Variants in IBTK observed in about 807,000 individuals in gnomAD.
IBTK encodes BTK-binding protein.
A neutral mutation model predicts 154.9 loss-of-function variants in IBTK; 83 were observed. The ratio of observed to expected loss-of-function variants is 0.54; its 90% CI spans 0.45 to 0.64. The LOEUF is 0.64. Ranked by LOEUF, IBTK falls within the 30% of genes least tolerant of loss-of-function variation. The pLI, the probability that IBTK is intolerant of heterozygous loss-of-function variation, is 0.00. For synonymous variants in IBTK, 515 were observed against 536.1 expected, an observed-to-expected ratio of 0.96 and a Z score of 0.54; for missense variants, 1,332 against 1,584.6, an observed-to-expected ratio of 0.84 and a Z score of 2.71.
At chr6:82,172,535 T>C (rs1259409877) in intron 27 of IBTK, 23 bp from the exon 28 acceptor site, 4 of 1,583,172 alleles carry the variant, frequency 2.5e-6, no homozygotes, top group Non-Finnish European at 3.4e-6. Context: ...TAATAATGAG[T>C]TTCATTCATC....
chr6:82,197,536 A>AT (rs200244615), intron 21 of IBTK, among the ~76,000 whole-genome samples: 1 of 151,558 alleles, frequency 6.6e-6, no homozygotes, highest in African/African-American at 2.4e-5. Flanking sequence ...TGCCCGGCTA[A>AT]TTTTTTTTGT....
intron 2 of IBTK, 103 bp downstream of exon 2, chr6:82,240,063 A>G: frequency 1.1e-6 from 1 of 940,812 alleles, no homozygotes; most frequent in Admixed American, 2.7e-5. Flanking sequence ...AACAAGCAAG[A>G]AAAAATGCAA....
At chr6:82,231,982 G>C (rs1770522865) in intron 3 of IBTK, 140 bp from the exon 4 acceptor site, 1 of 505,338 alleles carries the variant, frequency 2.0e-6, no homozygotes, top group African/African-American at 1.9e-5. Context: ...TCTAGAAATA[G>C]AAAATCCAAA....
chr6:82,232,055 TG>T (rs374905594), intron 3 of IBTK, among the ~76,000 whole-genome samples: 157 of 117,994 alleles, frequency 1.3e-3, no homozygotes, highest in Middle Eastern at 4.5e-3. Context: ...CTTTTTTTTT[TG>T]TTGTTGTTTT....
intron 8 of IBTK, among the ~76,000 whole-genome samples, chr6:82,220,933 T>C (rs369608540): frequency 2.7e-4 from 21 of 77,100 alleles, no homozygotes; most frequent in African/African-American, 1.2e-3. Flanking sequence ...TAAATGACTT[T>C]ACCTACACAC....
intron 17 of IBTK, among the ~76,000 whole-genome samples, chr6:82,203,797 T>C (rs947312396): frequency 1.3e-5 from 2 of 152,188 alleles, no homozygotes; most frequent in African/African-American, 4.8e-5. Flanking sequence ...TGTTGTATGC[T>C]GTGTCCTTTA....
At chr6:82,198,529 A>G (rs368144788) in intron 21 of IBTK, among the ~76,000 whole-genome samples, 34 of 152,236 alleles carry the variant, frequency 2.2e-4, no homozygotes, top group African/African-American at 6.7e-4. Context: ...GAACATATCA[A>G]GCACCTAATT....
At chr6:82,199,143 C>T (rs1769104908) in intron 21 of IBTK, among the ~76,000 whole-genome samples, 1 of 152,082 alleles carries the variant, frequency 6.6e-6, no homozygotes, top group South Asian at 2.1e-4. Context: ...AGAGTATTCC[C>T]ATCTTAAAAG....
Position 82,170,324 on chromosome 6 carries a change from G to C in IBTK, c.*1101C>G, listed in dbSNP as rs1767890571. 6.6e-6 allele frequency: 1 copy of C among 152,570 alleles called. No homozygotes were observed. The highest frequency in any genetic ancestry group is 2.4e-5 in the African/African-American group (1 of 41,444). The allele number at this position is 152,570 out of a possible 1,614,324, so 9.5% of individuals were successfully genotyped here. A position where few individuals can be genotyped will look rare whatever the true frequency, so the allele number is the denominator to read the frequency against. ...GAGTTAAACCTGACATATTGAGTCA[G>C]TTTCCGTCATTTTACATCAACTAAA... On this transcript the variant is annotated 3_prime_UTR_variant, in exon 29 of 29. Transcript: ENST00000306270.
intron 11 of IBTK, among the ~76,000 whole-genome samples, chr6:82,215,343 G>C (rs2127815849): frequency 6.6e-6 from 1 of 152,234 alleles, no homozygotes; most frequent in South Asian, 2.1e-4. Flanking sequence ...TGACTTAGGA[G>C]ATTTGCATTG....
intron 16 of IBTK, among the ~76,000 whole-genome samples, chr6:82,208,303 G>C (rs10943863): frequency 3.3e-5 from 5 of 151,622 alleles, no homozygotes; most frequent in Admixed American, 2.6e-4. Context: ...ATACGACTGG[G>C]GGGGGAATTA....
chr6:82,212,575 G>T, intron 13 of IBTK, 132 bp downstream of exon 13: 1 of 652,054 alleles, frequency 1.5e-6, no homozygotes. Context: ...TTCCAGAAAT[G>T]CAGAATACTA....
Position 82,214,511 on chromosome 6 carries a change from A to G in IBTK, c.1920T>C (p.Cys640=). 6.2e-7 allele frequency: 1 copy of G among 1,614,084 alleles called. No individual in the cohort carries two copies. The highest frequency in any genetic ancestry group is 2.2e-5 in the East Asian group (1 of 44,862). The change falls in exon 12 of 29, where the codon TGT becomes TGC. Residue 640 remains cysteine (C), a synonymous_variant. Coordinates refer to ENST00000306270, the MANE Select transcript of IBTK (RefSeq NM_015525.4). ...YLLQFIYTDT[C]DFLTHGFKPR... is the part of the protein sequence containing the mutation. ...GTTTGAAGCCATGAGTTAAAAAGTC[A>G]CAAGTATCTGTGTATATAAATTGTA... is the stretch of plus-strand genomic sequence containing the variant.
At chr6:82,178,433 C>A (rs1237965706) in intron 26 of IBTK, among the ~76,000 whole-genome samples, 1 of 151,942 alleles carries the variant, frequency 6.6e-6, no homozygotes, top group African/African-American at 2.4e-5. Context: ...AATTTTCATA[C>A]CTTTAAATTG....
At chr6:82,242,158 T>C (rs1582264775) in intron 1 of IBTK, among the ~76,000 whole-genome samples, 1 of 151,444 alleles carries the variant, frequency 6.6e-6, no homozygotes, top group South Asian at 2.1e-4. Context: ...TCACCTGAGG[T>C]TGGGAGTTTG....
chr6:82,191,314 T>C, intron 24 of IBTK, 98 bp from the exon 25 acceptor site: 1 of 947,728 alleles, frequency 1.1e-6, no homozygotes, highest in Non-Finnish European at 1.6e-6. Flanking sequence ...AACATTAATT[T>C]CTGCTTAATA....
intron 22 of IBTK, among the ~76,000 whole-genome samples, chr6:82,195,729 C>A (rs543062488): frequency 6.6e-6 from 1 of 152,256 alleles, no homozygotes; most frequent in East Asian, 1.9e-4. Flanking sequence ...TATTCAGTTA[C>A]ACATTTTTCT....
chr6:82,225,496 C>T lies in IBTK; in HGVS notation c.806G>A (p.Ser269Asn). ...HQLGIIPPPSSCNVPRQIQAK... is the reference protein window; with the variant it reads ...HQLGIIPPPSNCNVPRQIQAK... ...GCTTACCTGTCTGGGTACATTACAA[C>T]TGGAAGGCGGTGGAATAATTCCTAA... The change falls in exon 6 of 29, where the codon AGT (serine) becomes AAT (asparagine). Residue 269 changes from serine (S) to asparagine (N), a missense_variant. Ser to Asn is a conservative substitution (Grantham distance 46, BLOSUM62 1). Coordinates refer to ENST00000306270, the MANE Select transcript of IBTK (RefSeq NM_015525.4). The T allele has an allele frequency of 6.2e-7, 1 of 1,612,680 alleles. No homozygotes were observed. The highest frequency in any genetic ancestry group is 8.5e-7 in the Non-Finnish European group (1 of 1,179,426).
intron 26 of IBTK, among the ~76,000 whole-genome samples, chr6:82,179,750 G>A (rs1414226349): frequency 2.0e-5 from 3 of 152,158 alleles, no homozygotes; most frequent in Admixed American, 6.6e-5. Flanking sequence ...GAAGTGGATG[G>A]AGAATTGGTA....
Sources: allele counts gnomAD v4.1 joint callset (sites outside exome capture counted in the v4.1 genomes callset), GRCh38; gene constraint gnomAD v4.1.1; transcripts MANE v1.5; gene names NCBI Gene and HGNC (gene_info 2026-07-23, HGNC 2026-07-21).